MAN1C1: variants seen among roughly 807,000 people sequenced by gnomAD.
MAN1C1 encodes the protein mannosidase alpha class 1C member 1, also known as mannosyl-oligosaccharide 1,2-alpha-mannosidase IC.
In MAN1C1, 49 loss-of-function variants were observed where a neutral mutation model predicts 71.5. That is an observed-to-expected ratio of 0.69 (90% CI 0.54 to 0.87). The LOEUF is 0.87. Among genes scored for constraint, MAN1C1 ranks in the 40% least tolerant of loss-of-function variants. The pLI is 0.00. For synonymous variants in MAN1C1, 352 were observed against 343.7 expected (o/e 1.02, Z -0.27); for missense variants, 743 against 835.0 (o/e 0.89, Z 1.36).
intron 2 of MAN1C1, among the ~76,000 whole-genome samples, chr1:25,696,929 G>A (rs1475999505): frequency 6.6e-6 from 1 of 152,222 alleles, no homozygotes; most frequent in Non-Finnish European, 1.5e-5. Context: ...TTACAGGCGT[G>A]AGCCACCATG....
At chr1:25,747,005 G>A (rs2047138771) in intron 3 of MAN1C1, among the ~76,000 whole-genome samples, 1 of 152,194 alleles carries the variant, frequency 6.6e-6, no homozygotes, top group Non-Finnish European at 1.5e-5. Flanking sequence ...CATCTTCCCT[G>A]GGGAGGGGAC....
At chr1:25,663,976 C>T (rs560097115) in intron 1 of MAN1C1, among the ~76,000 whole-genome samples, 8 of 152,198 alleles carry the variant, frequency 5.3e-5, no homozygotes, top group Non-Finnish European at 1.2e-4. Flanking sequence ...TTTAAAGAAA[C>T]ATGACTTAGT....
At chr1:25,707,621 C>A (rs1024112430) in intron 2 of MAN1C1, among the ~76,000 whole-genome samples, 1 of 152,268 alleles carries the variant, frequency 6.6e-6, no homozygotes, top group Admixed American at 6.5e-5. Context: ...GTACAATGAA[C>A]CAGCCACTGG....
At chr1:25,676,337 C>G (rs531392541) in intron 1 of MAN1C1, among the ~76,000 whole-genome samples, 2 of 152,124 alleles carry the variant, frequency 1.3e-5, no homozygotes, top group African/African-American at 4.8e-5. Context: ...TCTACTCCCC[C>G]GCTTCACCTC....
chr1:25,641,672 A>G (rs1015040000), intron 1 of MAN1C1, among the ~76,000 whole-genome samples: 6 of 152,194 alleles, frequency 3.9e-5, no homozygotes, highest in African/African-American at 9.6e-5. Context: ...GAATGAACCT[A>G]TGGCAATTTT....
At chr1:25,678,572 T>C (rs1459708415) in intron 1 of MAN1C1, among the ~76,000 whole-genome samples, 1 of 152,200 alleles carries the variant, frequency 6.6e-6, no homozygotes, top group African/African-American at 2.4e-5. Flanking sequence ...TTTAAAAGTT[T>C]TTTCTTAGCA....
intron 4 of MAN1C1, among the ~76,000 whole-genome samples, chr1:25,749,619 T>G (rs1437852597): frequency 6.6e-6 from 1 of 152,104 alleles, no homozygotes; most frequent in Admixed American, 6.5e-5. Context: ...GGAGAATGGC[T>G]CTTCCTCCTT....
chr1:25,727,032 G>T (rs2982293), intron 2 of MAN1C1, among the ~76,000 whole-genome samples: 5,265 of 152,120 alleles, frequency 0.035, 302 homozygotes, highest in African/African-American at 0.12. Flanking sequence ...ATTCCAGCTT[G>T]GTTGACAGAG....
chr1:25,767,893 C>T, intron 7 of MAN1C1, among the ~76,000 whole-genome samples: 1 of 123,772 alleles, frequency 8.1e-6, no homozygotes, highest in South Asian at 2.9e-4. Context: ...ATTCACACTC[C>T]CCTCATACAC....
At chr1:25,702,404 T>C (rs1386970725) in intron 2 of MAN1C1, among the ~76,000 whole-genome samples, 3 of 152,202 alleles carry the variant, frequency 2.0e-5, no homozygotes, top group Non-Finnish European at 2.9e-5. Context: ...CCCTGGGCTC[T>C]CCCAGGCTCT....
intron 2 of MAN1C1, among the ~76,000 whole-genome samples, chr1:25,699,260 A>G (rs1343738634): frequency 2.6e-5 from 4 of 151,598 alleles, no homozygotes; most frequent in Admixed American, 2.0e-4. Flanking sequence ...AGATTGCGCC[A>G]TTGCACTCCA....
At chr1:25,662,733 C>T (rs1320674452) in intron 1 of MAN1C1, among the ~76,000 whole-genome samples, 1 of 151,610 alleles carries the variant, frequency 6.6e-6, no homozygotes, top group Non-Finnish European at 1.5e-5. Context: ...AGTTCAAGAC[C>T]AGCCTGGCCA....
At chr1:25,718,540 GA>G (rs1263986011) in intron 2 of MAN1C1, among the ~76,000 whole-genome samples, 1 of 152,166 alleles carries the variant, frequency 6.6e-6, no homozygotes, top group African/African-American at 2.4e-5. Flanking sequence ...AACATCATCA[GA>G]ATGTTTCCAT....
intron 2 of MAN1C1, among the ~76,000 whole-genome samples, chr1:25,739,908 C>T (rs1046194651): frequency 2.0e-5 from 3 of 152,134 alleles, no homozygotes; most frequent in Non-Finnish European, 2.9e-5. Flanking sequence ...CAGACTGTAG[C>T]CAGGCACTGG....
At chr1:25,718,584 C>T (rs968534784) in intron 2 of MAN1C1, among the ~76,000 whole-genome samples, 4 of 152,198 alleles carry the variant, frequency 2.6e-5, no homozygotes, top group Non-Finnish European at 4.4e-5. Context: ...CCATCACAGT[C>T]GCTTCCCATT....
intron 2 of MAN1C1, among the ~76,000 whole-genome samples, chr1:25,729,136 T>C (rs1160521476): frequency 6.6e-6 from 1 of 152,224 alleles, no homozygotes. Flanking sequence ...GGCCTGCATT[T>C]GAAGTCTTTC....
rs1431409073 is a variant in MAN1C1 at position 25,746,407 on chromosome 1, T to C, written c.638-261T>C. On this transcript the variant is annotated intron_variant, in intron 2 of 11. Transcript: ENST00000374332. The surrounding 1 kb of genome is among the most constrained non-coding windows in gnomAD (Gnocchi z 4.0). ...CTGACCAACAGAAGAGTGGACCGAG[T>C]CTGGGAAGTGGCTCAGCCTGGGCCC... Among the ~76,000 whole-genome samples the C allele has an allele frequency of 2.0e-5, 3 of 152,010 alleles. No individual in the cohort carries two copies. The highest frequency in any genetic ancestry group is 7.3e-5 in the African/African-American group (3 of 41,372).
chr1:25,752,595 A>G (rs750614052), intron 4 of MAN1C1, among the ~76,000 whole-genome samples: 9 of 152,350 alleles, frequency 5.9e-5, no homozygotes, highest in Non-Finnish European at 1.3e-4. Context: ...GGAATAAATA[A>G]GTCTTTACAA....
chr1:25,718,737 C>T (rs1339184190), intron 2 of MAN1C1, among the ~76,000 whole-genome samples: 1 of 152,168 alleles, frequency 6.6e-6, no homozygotes, highest in Non-Finnish European at 1.5e-5. Flanking sequence ...TTTTAAGGTT[C>T]ATCCACATTG....
Sources: allele counts gnomAD v4.1 joint callset (sites outside exome capture counted in the v4.1 genomes callset), GRCh38; gene constraint gnomAD v4.1.1; non-coding constraint Gnocchi (gnomAD v3.1); transcripts MANE v1.5; gene names NCBI Gene and HGNC (gene_info 2026-07-23, HGNC 2026-07-21).